Variants in KLF2 observed in about 807,000 individuals in gnomAD.
KLF2 encodes Krueppel-like factor 2.
Under a neutral mutation model 22.2 loss-of-function variants are expected in KLF2, and 9 were observed. The observed-to-expected ratio is 0.40, with a 90% CI of 0.24 to 0.71. The LOEUF is 0.71. Ranked by LOEUF, KLF2 falls within the 30% of genes least tolerant of loss-of-function variation. The pLI, the probability that KLF2 is intolerant of heterozygous loss-of-function variation, is 0.35. For synonymous variants in KLF2, 299 were observed against 264.2 expected (o/e 1.13, Z -1.28); for missense variants, 481 against 542.1 (o/e 0.89, Z 1.12).
At position 16,324,864 on chromosome 19, in the gene KLF2, G is replaced by A. The variant is rs2091882753; in HGVS notation, c.-60G>A. The A allele has an allele frequency of 2.3e-5, 32 of 1,407,352 alleles. No homozygotes were observed. In the South Asian group the frequency reaches 3.5e-4, roughly 15 times the overall value. The allele number at this position is 1,407,352 out of a possible 1,614,324, so 87.2% of individuals were successfully genotyped here. ...CGCCCGCCCGCGCCCCGACCAGCCCGGCCTCGGGCAGCCACTCACCGGTGT... is the reference window on the plus strand; with the variant it reads ...CGCCCGCCCGCGCCCCGACCAGCCCAGCCTCGGGCAGCCACTCACCGGTGT... On this transcript the variant is annotated 5_prime_UTR_variant, in exon 1 of 3. Coordinates refer to ENST00000248071, the MANE Select transcript of KLF2 (RefSeq NM_016270.4).
chr19:16,326,012 C>G lies in KLF2; in HGVS notation c.872C>G (p.Ala291Gly). The G allele has an allele frequency of 6.4e-7, 1 of 1,551,934 alleles. No homozygotes were observed. The change falls in exon 2 of 3, where the codon GCG (alanine) becomes GGG (glycine). Residue 291 changes from alanine to glycine, a missense_variant. By Grantham distance (60) the Ala-to-Gly change is moderately conservative. Around this residue, in one of 2 missense-constraint regions of KLF2, gnomAD observed 60 missense variants for 107.0 expected, o/e 0.56. Coordinates refer to ENST00000248071, the MANE Select transcript of KLF2 (RefSeq NM_016270.4). ...TACACCAAGAGTTCGCATCTGAAGG[C>G]GCATCTGCGCACGCACACAGGTGGG... ...KTYTKSSHLK[A>G]HLRTHTGEKP...
At position 16,326,001 on chromosome 19, in the gene KLF2, G is replaced by A. The variant is rs1157372669; in HGVS notation, c.861G>A (p.Ser287=). 3 of 1,554,084 alleles carry A rather than the reference G, an allele frequency of 1.9e-6. No individual in the cohort carries two copies. Among genetic ancestry groups the A allele is most frequent in the East Asian group, 2.4e-5 (1 of 40,970 alleles). Residue 287 remains serine (S), a synonymous_variant, in exon 2 of 3, where the codon TCG becomes TCA. Coordinates refer to ENST00000248071, the MANE Select transcript of KLF2 (RefSeq NM_016270.4). The part of the protein sequence containing the change: ...AGCGKTYTKS[S]HLKAHLRTHT... ...GCGGCAAGACCTACACCAAGAGTTC[G>A]CATCTGAAGGCGCATCTGCGCACGC...
rs1156738006 is a variant in KLF2, at chr19:16,325,904, C to A, written c.764C>A (p.Ala255Asp). 4.0e-6 allele frequency: 6 copies of A among 1,512,930 alleles called. No homozygotes were observed. Among genetic ancestry groups the A allele is most frequent in the Non-Finnish European group, 5.3e-6 (6 of 1,135,176 alleles). The allele number at this position is 1,512,930 out of a possible 1,614,324, so 93.7% of individuals were successfully genotyped here. The part of the protein sequence containing the change: ...PPASPLELLE[A>D]KPKRGRRSWP... Reference sequence around the variant, plus strand: ...GCGTCCCCGCTGGAGCTGCTGGAGGCCAAGCCAAAGCGCGGCCGCCGCTCT... The same window carrying A: ...GCGTCCCCGCTGGAGCTGCTGGAGGACAAGCCAAAGCGCGGCCGCCGCTCT... The change falls in exon 2 of 3, where the codon GCC (alanine) becomes GAC (aspartate). Residue 255 changes from alanine to aspartate, a missense_variant. Ala to Asp is a moderately radical substitution (Grantham distance 126, BLOSUM62 -2). This residue lies in a region of KLF2 where 421 missense variants were observed against 435.1 expected (regional missense o/e 0.97). Coordinates refer to ENST00000248071, the MANE Select transcript of KLF2 (RefSeq NM_016270.4).
intron 1 of KLF2, 105 bp from the exon 2 acceptor site, chr19:16,325,111 G>A: frequency 7.6e-7 from 1 of 1,318,732 alleles, no homozygotes; most frequent in Non-Finnish European, 1.0e-6. Flanking sequence ...AGACTCAGGA[G>A]AGGAGGATGC....
chr19:16,327,163 C>A lies in KLF2; in HGVS notation c.*132C>A. ...CGGGCACAGCGTGGCTACAGAGGGT[C>A]TCCCTCGATGACGACGACGACGACG... On this transcript the variant is annotated 3_prime_UTR_variant, in exon 3 of 3. Coordinates refer to ENST00000248071, the MANE Select transcript of KLF2 (RefSeq NM_016270.4). The A allele has an allele frequency of 1.1e-6, 1 of 887,080 alleles. No individual in the cohort carries two copies. Among genetic ancestry groups the A allele is most frequent in the Non-Finnish European group, 1.6e-6 (1 of 610,876 alleles). The allele number at this position is 887,080 out of a possible 1,614,324, so 55.0% of individuals were successfully genotyped here.
At position 16,325,326 on chromosome 19, in the gene KLF2, G is replaced by T. The variant is rs1256735408; in HGVS notation, c.186G>T (p.Pro62=). 1.4e-6 allele frequency: 2 copies of T among 1,479,730 alleles called. No individual in the cohort carries two copies. Among genetic ancestry groups the T allele is most frequent in the African/African-American group, 1.5e-5 (1 of 67,716 alleles). 91.7% of individuals were successfully genotyped at this position (1,479,730 alleles called of 1,614,324 possible). A position where few individuals can be genotyped will look rare whatever the true frequency, so the allele number is the denominator to read the frequency against. The stretch of plus-strand genomic sequence containing the variant: ...ATGGCCTGGGCGCCGAGGCCGCCCC[G>T]GAGCCGCCGCCGCCGCCCCCGCCGC... ...GLDGLGAEAA[P]EPPPPPPPPA... is the part of the protein sequence containing the mutation. Residue 62 remains proline (P), a synonymous_variant, in exon 2 of 3, where the codon CCG becomes CCT. Coordinates refer to ENST00000248071, the MANE Select transcript of KLF2 (RefSeq NM_016270.4).
rs1475836664 is a variant in KLF2 at position 16,327,748 on chromosome 19, G to T, written c.*717G>T. On this transcript the variant is annotated 3_prime_UTR_variant, in exon 3 of 3. Transcript: ENST00000248071. ...ACACTGCATTTTAGGACTGAGGGAG[G>T]GTTATTTTAAGGTTGTTCTTTGAGC... 1 of 151,708 alleles carries T rather than the reference G, an allele frequency of 6.6e-6. No homozygotes were observed. Among genetic ancestry groups the T allele is most frequent in the African/African-American group, 2.4e-5 (1 of 41,268 alleles). 9.4% of individuals were successfully genotyped at this position (151,708 alleles called of 1,614,324 possible). A position where few individuals can be genotyped will look rare whatever the true frequency, so the allele number is the denominator to read the frequency against.
chr19:16,328,381 C>CT lies in KLF2; in HGVS notation c.*1351dup, dbSNP rs1323491724. Among the ~76,000 whole-genome samples the CT allele has an allele frequency of 1.3e-5, 2 of 152,176 alleles. No individual in the cohort carries two copies. The highest frequency in any genetic ancestry group is 2.9e-5 in the Non-Finnish European group (2 of 68,030). On this transcript the variant is annotated 3_prime_UTR_variant, in exon 3 of 3. Coordinates refer to ENST00000248071, the MANE Select transcript of KLF2 (RefSeq NM_016270.4). Reference sequence around the variant, plus strand: ...AAGTGTCTCAGGCAAGGAGGTATCTCTCCCCCCAGATTTCACCTGCCACCC... The same window carrying CT: ...AAGTGTCTCAGGCAAGGAGGTATCTCTTCCCCCCAGATTTCACCTGCCACCC...
In KLF2 at chr19:16,325,902, G is replaced by A. The variant is rs780657765; in HGVS notation, c.762G>A (p.Glu254=). 12 of 1,512,676 alleles carry A rather than the reference G, an allele frequency of 7.9e-6. No individual in the cohort carries two copies. In the South Asian group the frequency reaches 9.8e-5, roughly 12 times the overall value. The allele number at this position is 1,512,676 out of a possible 1,614,324, so 93.7% of individuals were successfully genotyped here. A position where few individuals can be genotyped will look rare whatever the true frequency, so the allele number is the denominator to read the frequency against. The change falls in exon 2 of 3, where the codon GAG becomes GAA. Residue 254 remains glutamate (E), a synonymous_variant. Coordinates refer to ENST00000248071, the MANE Select transcript of KLF2 (RefSeq NM_016270.4). The part of the protein sequence containing the change: ...TPPASPLELL[E]AKPKRGRRSW... ...CTGCGTCCCCGCTGGAGCTGCTGGA[G>A]GCCAAGCCAAAGCGCGGCCGCCGCT...
chr19:16,326,024 C>G lies in KLF2; in HGVS notation c.884C>G (p.Thr295Arg). The G allele has an allele frequency of 6.5e-7, 1 of 1,548,806 alleles. No individual in the cohort carries two copies. Residue 295 changes from threonine (T) to arginine (R), a missense_variant, in exon 2 of 3, where the codon ACG becomes AGG. Coordinates refer to ENST00000248071, the MANE Select transcript of KLF2 (RefSeq NM_016270.4). ...TCGCATCTGAAGGCGCATCTGCGCA[C>G]GCACACAGGTGGGCGGCACGCACGA... ...KSSHLKAHLR[T>R]HTGEKPYHCN... is the part of the protein sequence containing the mutation.
chr19:16,326,779 G>A, intron 2 of KLF2, 77 bp from the exon 3 acceptor site: 3 of 1,455,892 alleles, frequency 2.1e-6, no homozygotes, highest in Non-Finnish European at 2.8e-6. Context: ...TTAGGGATAG[G>A]TTGCGCTCGC....
At chr19:16,326,065 G>A (rs201898491) in intron 2 of KLF2, 33 bp downstream of exon 2, 66 of 1,520,672 alleles carry the variant, frequency 4.3e-5, no homozygotes, top group South Asian at 2.3e-4. Flanking sequence ...GAGCGCAGGC[G>A]GGGGGACGCG....
At chr19:16,326,232 A>C (rs999930303) in intron 2 of KLF2, among the ~76,000 whole-genome samples, 200 bp downstream of exon 2, 1 of 141,132 alleles carries the variant, frequency 7.1e-6, no homozygotes, top group Non-Finnish European at 1.5e-5. Flanking sequence ...AACACTCCCT[A>C]AGGAAGTGTG....
intron 1 of KLF2, 97 bp downstream of exon 1, chr19:16,325,095 G>C: frequency 7.5e-7 from 1 of 1,338,288 alleles, no homozygotes; most frequent in Non-Finnish European, 1.0e-6. Context: ...CGAAGGCGGG[G>C]ACTGCAGACT....
chr19:16,327,246 C>G lies in KLF2; in HGVS notation c.*215C>G. 1 of 501,278 alleles carries G rather than the reference C, an allele frequency of 2.0e-6. No individual in the cohort carries two copies. 31.1% of individuals were successfully genotyped at this position (501,278 alleles called of 1,614,324 possible). The stretch of plus-strand genomic sequence containing the variant: ...CCCGGTGGGAAAAGACCACGATCCT[C>G]CTTGACGAGTTTTGTTTTTCAAAAT... On this transcript the variant is annotated 3_prime_UTR_variant, in exon 3 of 3. Coordinates refer to ENST00000248071, the MANE Select transcript of KLF2 (RefSeq NM_016270.4).
Position 16,324,847 on chromosome 19 carries a change from C to T in KLF2, c.-77C>T. ...GCCCACAGAGCCGTCCCCGCCCGCCCGCGCCCCGACCAGCCCGGCCTCGGG... is the reference window on the plus strand; with the variant it reads ...GCCCACAGAGCCGTCCCCGCCCGCCTGCGCCCCGACCAGCCCGGCCTCGGG... On this transcript the variant is annotated 5_prime_UTR_variant, in exon 1 of 3. Transcript: ENST00000248071. The T allele has an allele frequency of 2.3e-6, 3 of 1,291,252 alleles. No individual in the cohort carries two copies. Among genetic ancestry groups the T allele is most frequent in the Admixed American group, 2.2e-5 (1 of 45,198 alleles). The allele number at this position is 1,291,252 out of a possible 1,614,324, so 80.0% of individuals were successfully genotyped here. A position where few individuals can be genotyped will look rare whatever the true frequency, so the allele number is the denominator to read the frequency against.
chr19:16,325,491 C>A lies in KLF2; in HGVS notation c.351C>A (p.Pro117=). The A allele has an allele frequency of 7.4e-7, 1 of 1,354,154 alleles. No homozygotes were observed. Among genetic ancestry groups the A allele is most frequent in the Admixed American group, 3.6e-5 (1 of 27,642 alleles). The allele number at this position is 1,354,154 out of a possible 1,614,324, so 83.9% of individuals were successfully genotyped here. A position where few individuals can be genotyped will look rare whatever the true frequency, so the allele number is the denominator to read the frequency against. Residue 117 remains proline (P), a synonymous_variant, in exon 2 of 3, where the codon CCC becomes CCA. Coordinates refer to ENST00000248071, the MANE Select transcript of KLF2 (RefSeq NM_016270.4). The part of the protein sequence containing the change: ...ALHGRFLLAP[P]GRLVKAEPPE... ...ACGGCCGCTTTCTGCTGGCGCCGCC[C>A]GGCCGCCTGGTCAAGGCCGAGCCCC...
Position 16,325,332 on chromosome 19 carries a change from GCCGCCGCCGCCC to G in KLF2, c.201_212del (p.Pro68_Pro71del), listed in dbSNP as rs774636435. ...TGGGCGCCGAGGCCGCCCCGGAGCC[GCCGCCGCCGCCC>G]CCGCCGCCTGCGTTCTATTACCCCG... On this transcript the variant is annotated inframe_deletion, in exon 2 of 3. Coordinates refer to ENST00000248071, the MANE Select transcript of KLF2 (RefSeq NM_016270.4). 40 of 1,473,292 alleles carry G rather than the reference GCCGCCGCCGCCC, an allele frequency of 2.7e-5. No homozygotes were observed. The highest frequency in any genetic ancestry group is 3.2e-5 in the Non-Finnish European group (36 of 1,119,560). The allele number at this position is 1,473,292 out of a possible 1,614,324, so 91.3% of individuals were successfully genotyped here.
At chr19:16,326,070 G>T (rs949615420) in intron 2 of KLF2, 38 bp downstream of exon 2, 6 of 1,519,550 alleles carry the variant, frequency 3.9e-6, no homozygotes, top group African/African-American at 1.4e-5. Context: ...CAGGCGGGGG[G>T]ACGCGGGAGG....
Sources: gnomAD v4.1 joint callset for allele counts (sites outside exome capture counted in the v4.1 genomes callset) on GRCh38, gnomAD v4.1.1 for gene constraint, gnomAD v4.1.1 regional missense constraint, MANE v1.5 for transcripts, NCBI Gene and HGNC (gene_info 2026-07-23, HGNC 2026-07-21) for gene names.